The following KCNIP4 variants were observed in gnomAD, a reference collection of about 807,000 sequenced individuals.
KCNIP4 encodes the protein Kv channel-interacting protein 4.
In KCNIP4, 12 loss-of-function variants were observed where a neutral mutation model predicts 34.0. The ratio of observed to expected loss-of-function variants is 0.35; its 90% confidence interval spans 0.23 to 0.57. The LOEUF is 0.57. Ranked by LOEUF, KCNIP4 falls within the 20% of genes least tolerant of loss-of-function variation. The probability of loss-of-function intolerance (pLI) is 0.83; values close to 1 mark genes in which losing one functional copy is unlikely to be tolerated. For synonymous variants in KCNIP4, 124 were observed against 102.2 expected (o/e 1.21, Z -1.29); for missense variants, 238 against 311.7 (o/e 0.76, Z 1.78).
intron 1 of KCNIP4, among the ~76,000 whole-genome samples, chr4:21,034,305 C>G (rs941687435): frequency 3.9e-5 from 6 of 152,104 alleles, no homozygotes; most frequent in Non-Finnish European, 7.4e-5. Context: ...TATTTGTTTA[C>G]AGATCAGTAT....
At chr4:21,075,520 A>T (rs1026094383) in intron 1 of KCNIP4, among the ~76,000 whole-genome samples, 2 of 151,394 alleles carry the variant, frequency 1.3e-5, no homozygotes, top group Non-Finnish European at 2.9e-5. Context: ...CTGTATTTTG[A>T]GCCTATGTGT....
chr4:21,812,382 T>A lies in KCNIP4; in HGVS notation c.61+136189A>T, dbSNP rs182986865. 8.4e-3 allele frequency among the ~76,000 whole-genome samples: 1,285 copies of A among 152,216 alleles called. 14 individuals are homozygous for A. The highest frequency in any genetic ancestry group is 0.028 in the South Asian group (136 of 4,822). On this transcript the variant is annotated intron_variant, in intron 1 of 8. Coordinates refer to ENST00000382152, the MANE Select transcript of KCNIP4 (RefSeq NM_025221.6). ...CAGATATTTAAATTAATACTCTACA[T>A]ATTATAGGGAATGCCAGCAAATAAA...
intron 3 of KCNIP4, among the ~76,000 whole-genome samples, chr4:20,800,878 G>A (rs1714140616): frequency 6.6e-6 from 1 of 152,216 alleles, no homozygotes; most frequent in African/African-American, 2.4e-5. Context: ...TAATAAAATA[G>A]TGGCTGACAA....
chr4:20,845,077 A>C (rs1243311489), intron 3 of KCNIP4, among the ~76,000 whole-genome samples: 37 of 152,108 alleles, frequency 2.4e-4, no homozygotes, highest in Admixed American at 2.4e-3. Flanking sequence ...GATACAACCT[A>C]TGTGACCCCC....
At chr4:21,860,153 A>C (rs1724989632) in intron 1 of KCNIP4, among the ~76,000 whole-genome samples, 1 of 152,144 alleles carries the variant, frequency 6.6e-6, no homozygotes, top group South Asian at 2.1e-4. Context: ...TGTTTTTTTG[A>C]GATGAAGTCT....
chr4:21,230,123 A>C (rs1476155879), intron 1 of KCNIP4, among the ~76,000 whole-genome samples: 1 of 152,120 alleles, frequency 6.6e-6, no homozygotes, highest in Non-Finnish European at 1.5e-5. Flanking sequence ...ATAGAGAGAC[A>C]CACATGCAAT....
intron 2 of KCNIP4, among the ~76,000 whole-genome samples, chr4:20,881,760 G>A (rs1210592091): frequency 1.3e-5 from 2 of 152,174 alleles, no homozygotes; most frequent in African/African-American, 2.4e-5. Context: ...AAGTGTTGCT[G>A]TGAAGGTATT....
chr4:21,744,226 C>A (rs1716617297), intron 1 of KCNIP4, among the ~76,000 whole-genome samples: 1 of 152,150 alleles, frequency 6.6e-6, no homozygotes, highest in Admixed American at 6.6e-5. Context: ...TCATGATTCA[C>A]CCTCTGCCTA....
chr4:21,755,041 G>A (rs1019506603), intron 1 of KCNIP4, among the ~76,000 whole-genome samples: 1 of 152,138 alleles, frequency 6.6e-6, no homozygotes, highest in African/African-American at 2.4e-5. Flanking sequence ...CAGCTACTCG[G>A]GAGGCTGAGG....
intron 1 of KCNIP4, among the ~76,000 whole-genome samples, chr4:21,358,034 C>T (rs1020588767): frequency 6.6e-6 from 1 of 152,032 alleles, no homozygotes; most frequent in Admixed American, 6.6e-5. Flanking sequence ...GTGGATGAAG[C>T]TGGAAACCAT....
chr4:21,773,169 A>G (rs564819071), intron 1 of KCNIP4, among the ~76,000 whole-genome samples: 1 of 152,246 alleles, frequency 6.6e-6, no homozygotes, highest in African/African-American at 2.4e-5. Context: ...TAATTTCATT[A>G]TTTACCCAGG....
intron 1 of KCNIP4, among the ~76,000 whole-genome samples, chr4:20,907,097 C>T (rs1727849924): frequency 6.6e-6 from 1 of 152,172 alleles, no homozygotes; most frequent in Non-Finnish European, 1.5e-5. Context: ...GAAAATGATG[C>T]TACCTCAGTA....
chr4:20,760,500 C>A (rs569097422), intron 3 of KCNIP4, among the ~76,000 whole-genome samples: 4 of 152,228 alleles, frequency 2.6e-5, no homozygotes, highest in South Asian at 2.1e-4. Flanking sequence ...GCAGAATTTT[C>A]TATTTTCTCA....
intron 1 of KCNIP4, among the ~76,000 whole-genome samples, chr4:21,945,970 T>C (rs1161303550): frequency 6.7e-6 from 1 of 149,738 alleles, no homozygotes; most frequent in Admixed American, 6.7e-5. Context: ...GCATTAACAA[T>C]GTCAATTACA....
At chr4:20,789,299 G>C (rs954750441) in intron 3 of KCNIP4, among the ~76,000 whole-genome samples, 2 of 152,086 alleles carry the variant, frequency 1.3e-5, no homozygotes, top group East Asian at 3.9e-4. Flanking sequence ...ATCTCGAAGA[G>C]ATCCAGAATT....
At chr4:21,666,234 G>C (rs577777304) in intron 1 of KCNIP4, among the ~76,000 whole-genome samples, 1 of 152,294 alleles carries the variant, frequency 6.6e-6, no homozygotes, top group East Asian at 1.9e-4. Context: ...CTGCTTCTCT[G>C]ATTCAGTGGG....
chr4:21,670,367 A>G (rs1749375301), intron 1 of KCNIP4, among the ~76,000 whole-genome samples: 1 of 144,868 alleles, frequency 6.9e-6, no homozygotes, highest in African/African-American at 2.5e-5. Flanking sequence ...TGGGAATTGA[A>G]CAATGAGATC....
At chr4:21,110,693 G>C (rs1749086726) in intron 1 of KCNIP4, among the ~76,000 whole-genome samples, 1 of 152,132 alleles carries the variant, frequency 6.6e-6, no homozygotes, top group Non-Finnish European at 1.5e-5. Context: ...GTCTTTGAGA[G>C]GCAATTAGGT....
chr4:21,122,456 AG>A (rs1340614642), intron 1 of KCNIP4, among the ~76,000 whole-genome samples: 1 of 124,328 alleles, frequency 8.0e-6, no homozygotes, highest in Non-Finnish European at 1.6e-5. Flanking sequence ...TTGCAGATCA[AG>A]TTTTTTTTTT....
Sources: gnomAD v4.1 joint callset for allele counts (sites outside exome capture counted in the v4.1 genomes callset) on GRCh38, gnomAD v4.1.1 for gene constraint, MANE v1.5 for transcripts, NCBI Gene and HGNC (gene_info 2026-07-23, HGNC 2026-07-21) for gene names.